Variants in CNTN3 observed in about 807,000 individuals in gnomAD.
CNTN3 encodes contactin-3.
Under a neutral mutation model 119.1 loss-of-function variants are expected in CNTN3, and 60 were observed. The ratio of observed to expected loss-of-function variants is 0.50; its 90% CI spans 0.41 to 0.62. The LOEUF (loss-of-function observed/expected upper bound fraction) is 0.62, where lower values mean the gene tolerates loss of function less well. Among genes scored for constraint, CNTN3 ranks in the 20% least tolerant of loss-of-function variants. The probability of loss-of-function intolerance (pLI) is 0.00; values close to 1 mark genes in which losing one functional copy is unlikely to be tolerated. For synonymous variants in CNTN3, 450 were observed against 438.7 expected, an observed-to-expected ratio of 1.03 and a Z score of -0.32; for missense variants, 1,101 against 1,242.4, an observed-to-expected ratio of 0.89 and a Z score of 1.71.
At chr3:74,495,494 T>C (rs546440636) in intron 3 of CNTN3, among the ~76,000 whole-genome samples, 7 of 152,012 alleles carry the variant, frequency 4.6e-5, no homozygotes, top group Non-Finnish European at 8.8e-5. Flanking sequence ...TATATATACA[T>C]ATAGCACCAA....
In CNTN3 at chr3:74,573,385, T is replaced by G. The variant is rs527383082; in HGVS notation, c.-81+41006A>C. Among the ~76,000 whole-genome samples the G allele has an allele frequency of 1.6e-4, 25 of 152,174 alleles. No individual in the cohort carries two copies. The South Asian group carries it at 5.2e-3, about 32-fold the overall frequency. On this transcript the variant is annotated intron_variant, in intron 1 of 22. Transcript: ENST00000263665. ...TTAGAAGAAAACATAGGTATAAATC[T>G]TTGTGACTTTGAATTAGGAAATGGT...
chr3:74,479,016 G>A (rs1373008947), intron 4 of CNTN3, among the ~76,000 whole-genome samples: 1 of 151,938 alleles, frequency 6.6e-6, no homozygotes, highest in Non-Finnish European at 1.5e-5. Flanking sequence ...TTTAAAGAAA[G>A]GACTAAAGTA....
chr3:74,477,969 C>T (rs1702689729), intron 4 of CNTN3, among the ~76,000 whole-genome samples: 1 of 151,982 alleles, frequency 6.6e-6, no homozygotes, highest in South Asian at 2.1e-4. Context: ...TGTGAAATAA[C>T]AATAAGGCTC....
intron 4 of CNTN3, among the ~76,000 whole-genome samples, chr3:74,457,299 C>T (rs1183673599): frequency 6.6e-6 from 1 of 151,934 alleles, no homozygotes; most frequent in Non-Finnish European, 1.5e-5. Flanking sequence ...AATAACTTGC[C>T]ATCAAAAAAT....
intron 19 of CNTN3, among the ~76,000 whole-genome samples, chr3:74,290,892 CT>C (rs1406687636): frequency 6.6e-6 from 1 of 151,724 alleles, no homozygotes; most frequent in Admixed American, 6.6e-5. Context: ...TTTATTTTTA[CT>C]TTTTTACTTT....
At chr3:74,349,088 A>T (rs1457411550) in intron 11 of CNTN3, among the ~76,000 whole-genome samples, 1 of 132,536 alleles carries the variant, frequency 7.5e-6, no homozygotes, top group African/African-American at 3.2e-5. Flanking sequence ...CCTGTCTCTT[A>T]AAAAAAAAAA....
At chr3:74,598,251 G>T (rs183306206) in intron 1 of CNTN3, among the ~76,000 whole-genome samples, 35 of 152,072 alleles carry the variant, frequency 2.3e-4, no homozygotes, top group African/African-American at 8.2e-4. Context: ...AGCAAACCTG[G>T]AAAGCTGGAT....
chr3:74,351,765 G>T (rs1703821676), intron 11 of CNTN3, among the ~76,000 whole-genome samples: 1 of 152,116 alleles, frequency 6.6e-6, no homozygotes, highest in African/African-American at 2.4e-5. Context: ...TTAGAGAGAG[G>T]AGGTGATTAT....
At chr3:74,569,578 A>C (rs1704278327) in intron 1 of CNTN3, among the ~76,000 whole-genome samples, 1 of 152,206 alleles carries the variant, frequency 6.6e-6, no homozygotes, top group Non-Finnish European at 1.5e-5. Context: ...AATAATAAAG[A>C]AAAGTATCTT....
At chr3:74,330,416 C>T (rs1703235043) in intron 13 of CNTN3, among the ~76,000 whole-genome samples, 1 of 151,902 alleles carries the variant, frequency 6.6e-6, no homozygotes, top group African/African-American at 2.4e-5. Flanking sequence ...TATTACAGCA[C>T]AATGCCTTAC....
intron 1 of CNTN3, among the ~76,000 whole-genome samples, chr3:74,528,475 A>C (rs985064790): frequency 2.3e-4 from 35 of 151,908 alleles, no homozygotes; most frequent in African/African-American, 8.2e-4. Context: ...ATTTTGTTTT[A>C]GCTTGACATG....
At position 74,605,843 on chromosome 3, in the gene CNTN3, G is replaced by A. The variant is rs190994928; in HGVS notation, c.-81+8548C>T. ...TTCAATAGGCTAACTCAGATTCAAG[G>A]GAAAGGGAAATGGACTCCATTGCTT... On this transcript the variant is annotated intron_variant, in intron 1 of 22. Coordinates refer to ENST00000263665, the MANE Select transcript of CNTN3 (RefSeq NM_020872.3). 3.2e-3 allele frequency among the ~76,000 whole-genome samples: 490 copies of A among 152,246 alleles called. 3 individuals carry two copies. Among genetic ancestry groups the A allele is most frequent in the Admixed American group, 4.8e-3 (74 of 15,280 alleles).
At chr3:74,339,990 C>G (rs1703494957) in intron 11 of CNTN3, among the ~76,000 whole-genome samples, 1 of 152,074 alleles carries the variant, frequency 6.6e-6, no homozygotes, top group Non-Finnish European at 1.5e-5. Context: ...TCTGTAGATT[C>G]AACCAACCAT....
At chr3:74,266,718 T>C (rs1701668672) in intron 21 of CNTN3, 69 bp from the exon 22 acceptor site, 1 of 1,422,274 alleles carries the variant, frequency 7.0e-7, no homozygotes, top group Non-Finnish European at 9.8e-7. Context: ...AGAATTTGTC[T>C]CTCTGAAATT....
At chr3:74,536,018 AT>A (rs1553679111) in intron 1 of CNTN3, among the ~76,000 whole-genome samples, 1 of 152,134 alleles carries the variant, frequency 6.6e-6, no homozygotes, top group Non-Finnish European at 1.5e-5. Flanking sequence ...CAGGAATAAA[AT>A]TTTTTAAAAA....
At chr3:74,337,102 T>C (rs149843674) in intron 11 of CNTN3, among the ~76,000 whole-genome samples, 2 of 152,268 alleles carry the variant, frequency 1.3e-5, no homozygotes, top group East Asian at 3.9e-4. Flanking sequence ...AAGCTGCATG[T>C]CTTTTACTAT....
chr3:74,463,268 T>G (rs1258540913), intron 4 of CNTN3, among the ~76,000 whole-genome samples: 1 of 152,164 alleles, frequency 6.6e-6, no homozygotes, highest in African/African-American at 2.4e-5. Flanking sequence ...GTTTTTGGCA[T>G]GTCTTTTTGT....
intron 5 of CNTN3, among the ~76,000 whole-genome samples, chr3:74,409,148 C>A (rs563285285): frequency 6.6e-6 from 1 of 152,250 alleles, no homozygotes; most frequent in South Asian, 2.1e-4. Context: ...TCTCTGAGAC[C>A]AGAGCTCTTA....
chr3:74,273,580 G>A (rs372029395), intron 20 of CNTN3, among the ~76,000 whole-genome samples: 2 of 152,176 alleles, frequency 1.3e-5, no homozygotes, highest in Non-Finnish European at 1.5e-5. Context: ...AGAAGATTCC[G>A]ACCTTACCTG....
Sources: allele counts gnomAD v4.1 joint callset (sites outside exome capture counted in the v4.1 genomes callset), GRCh38; gene constraint gnomAD v4.1.1; transcripts MANE v1.5; gene names NCBI Gene and HGNC (gene_info 2026-07-23, HGNC 2026-07-21).